MAP2K5: variants seen among roughly 807,000 people sequenced by gnomAD.
The protein encoded by MAP2K5 is dual specificity mitogen-activated protein kinase kinase 5.
A neutral mutation model predicts 83.1 loss-of-function variants in MAP2K5; 49 were observed. The ratio of observed to expected loss-of-function variants is 0.59; its 90% CI spans 0.47 to 0.75. MAP2K5 has a LOEUF of 0.75. Among genes scored for constraint, MAP2K5 ranks in the 30% least tolerant of loss-of-function variants. The pLI is 0.00. For missense variants in MAP2K5, 457 were observed against 557.5 expected, an observed-to-expected ratio of 0.82 and a Z score of 1.82; for synonymous variants, 202 against 191.8, an observed-to-expected ratio of 1.05 and a Z score of -0.44.
intron 9 of MAP2K5, among the ~76,000 whole-genome samples, chr15:67,634,570 A>T (rs1230920034): frequency 3.9e-5 from 6 of 151,978 alleles, no homozygotes; most frequent in Non-Finnish European, 8.8e-5. Context: ...TGTGGCCTAC[A>T]GTTCTGTTAT....
rs1035857787 is a variant in MAP2K5 at position 67,562,621 on chromosome 15, A to G, written c.185-662A>G. ...AGCTTTCTATGGCTGGAGAGTATGC[A>G]AAACAAGTGAAACTGTTCGGAAAAA... On this transcript the variant is annotated intron_variant, in intron 2 of 21. Transcript: ENST00000178640. The surrounding 1 kb of genome is among the most constrained non-coding windows in gnomAD (Gnocchi z 4.1). Among the ~76,000 whole-genome samples, 10 of 152,210 alleles carry G rather than the reference A, an allele frequency of 6.6e-5. No homozygotes were observed. Among genetic ancestry groups the G allele is most frequent in the Non-Finnish European group, 1.3e-4 (9 of 68,038 alleles).
At chr15:67,631,420 G>T (rs577049766) in intron 9 of MAP2K5, among the ~76,000 whole-genome samples, 1 of 152,124 alleles carries the variant, frequency 6.6e-6, no homozygotes, top group African/African-American at 2.4e-5. Context: ...TGTACTTTCG[G>T]TCTTTTCTTT....
chr15:67,754,488 C>T (rs977849094), intron 19 of MAP2K5, among the ~76,000 whole-genome samples: 4 of 151,986 alleles, frequency 2.6e-5, no homozygotes, highest in African/African-American at 9.7e-5. Context: ...TGCCAGGTGC[C>T]GAGATAAATC....
intron 13 of MAP2K5, among the ~76,000 whole-genome samples, chr15:67,689,179 CA>C (rs1567362091): frequency 1.3e-5 from 2 of 152,052 alleles, no homozygotes; most frequent in African/African-American, 4.8e-5. Context: ...CACTTGAGCC[CA>C]AAAGTTTGAG....
At chr15:67,643,918 G>A (rs546200520) in intron 9 of MAP2K5, among the ~76,000 whole-genome samples, 4 of 152,196 alleles carry the variant, frequency 2.6e-5, no homozygotes, top group South Asian at 2.1e-4. Flanking sequence ...TCTTCAGTAT[G>A]ATTGTATATA....
chr15:67,596,495 TAA>T (rs2085530298), intron 7 of MAP2K5, among the ~76,000 whole-genome samples: 1 of 152,190 alleles, frequency 6.6e-6, no homozygotes, highest in Non-Finnish European at 1.5e-5. Context: ...CTGTAAAATT[TAA>T]AAAGTTTAAA....
In MAP2K5 at chr15:67,717,680, G is replaced by T. The variant is rs1031694169; in HGVS notation, c.1045-10236G>T. Among the ~76,000 whole-genome samples the T allele has an allele frequency of 5.9e-5, 9 of 152,210 alleles. No homozygotes were observed. Among genetic ancestry groups the T allele is most frequent in the Admixed American group, 5.9e-4 (9 of 15,274 alleles). ...AGCATCAAAAGCCTCTCATGAGGTT[G>T]CAGTTGGGTAGTGGTTAAGGATGGA... On this transcript the variant is annotated intron_variant, in intron 16 of 21. Transcript: ENST00000178640. The surrounding 1 kb of genome is among the most constrained non-coding windows in gnomAD (Gnocchi z 4.1).
At chr15:67,798,430 A>G (rs1481060567) in intron 21 of MAP2K5, among the ~76,000 whole-genome samples, 3 of 152,114 alleles carry the variant, frequency 2.0e-5, no homozygotes, top group Non-Finnish European at 4.4e-5. Context: ...CGGCACCCCA[A>G]GTGTCTAGCC....
Position 67,719,803 on chromosome 15 carries a change from AAC to A in MAP2K5, c.1045-8111_1045-8110del, listed in dbSNP as rs1396232600. ...TTTTGAGCTATGCAAACATTTGAAG[AAC>A]ATTCATTTTTCAATTAGAAAAGTAA... On this transcript the variant is annotated intron_variant, in intron 16 of 21. Coordinates refer to ENST00000178640, the MANE Select transcript of MAP2K5 (RefSeq NM_145160.3). This position sits in a 1 kb window ranked among gnomAD's most constrained non-coding sequence, Gnocchi z 4.6. 6.6e-6 allele frequency among the ~76,000 whole-genome samples: 1 copy of A among 152,184 alleles called. No homozygotes were observed. The highest frequency in any genetic ancestry group is 1.5e-5 in the Non-Finnish European group (1 of 68,036).
chr15:67,619,207 G>C (rs915526263), intron 8 of MAP2K5, among the ~76,000 whole-genome samples: 50 of 152,142 alleles, frequency 3.3e-4, no homozygotes, highest in Admixed American at 9.2e-4. Flanking sequence ...CCTGAAAAGA[G>C]AGGCATTTCC....
chr15:67,645,553 A>G (rs62016195), intron 9 of MAP2K5, among the ~76,000 whole-genome samples: 3,375 of 152,238 alleles, frequency 0.022, 58 homozygotes, highest in African/African-American at 0.039. Context: ...ACAAACCACA[A>G]GATAGTTCTT....
At position 67,779,534 on chromosome 15, in the gene MAP2K5, C is replaced by A. The variant is rs186567423; in HGVS notation, c.1242+6782C>A. 6.6e-6 allele frequency among the ~76,000 whole-genome samples: 1 copy of A among 152,214 alleles called. No individual in the cohort carries two copies. The highest frequency in any genetic ancestry group is 6.5e-5 in the Admixed American group (1 of 15,280). ...GTATGTATATGTCTTTATATGCATGCGCATAGCAAGAGAGATATAGATAAA... is the reference window on the plus strand; with the variant it reads ...GTATGTATATGTCTTTATATGCATGAGCATAGCAAGAGAGATATAGATAAA... On this transcript the variant is annotated intron_variant, in intron 21 of 21. Transcript: ENST00000178640. The surrounding 1 kb of genome is among the most constrained non-coding windows in gnomAD (Gnocchi z 4.6).
chr15:67,776,150 G>A (rs772683430), intron 21 of MAP2K5, among the ~76,000 whole-genome samples: 5 of 152,176 alleles, frequency 3.3e-5, no homozygotes, highest in African/African-American at 7.2e-5. Flanking sequence ...TAAACTAAGC[G>A]TGCAGGCAGC....
At chr15:67,558,842 C>T (rs1357258967) in intron 2 of MAP2K5, among the ~76,000 whole-genome samples, 1 of 152,222 alleles carries the variant, frequency 6.6e-6, no homozygotes, top group African/African-American at 2.4e-5. Context: ...GTGTATGTTC[C>T]ATGAAGGCAG....
rs1268628375 is a variant in MAP2K5, at chr15:67,677,965, T to C, written c.847+13320T>C. ...TGGCTAATTATGCTGTTTAATTTTA[T>C]TTAAGGCCTTTGCAAGAATATTTGG... On this transcript the variant is annotated intron_variant, in intron 13 of 21. Coordinates refer to ENST00000178640, the MANE Select transcript of MAP2K5 (RefSeq NM_145160.3). This position sits in a 1 kb window ranked among gnomAD's most constrained non-coding sequence, Gnocchi z 4.2. 6.6e-6 allele frequency among the ~76,000 whole-genome samples: 1 copy of C among 152,238 alleles called. No individual in the cohort carries two copies.
At chr15:67,648,624 G>A (rs2086884346) in intron 11 of MAP2K5, among the ~76,000 whole-genome samples, 1 of 151,324 alleles carries the variant, frequency 6.6e-6, no homozygotes, top group African/African-American at 2.4e-5. Flanking sequence ...CTAGGCTGGA[G>A]TGCAGTGGGG....
At position 67,802,629 on chromosome 15, in the gene MAP2K5, C is replaced by T. The variant is rs2090726968; in HGVS notation, c.1243-4017C>T. Among the ~76,000 whole-genome samples, 1 of 152,238 alleles carries T rather than the reference C, an allele frequency of 6.6e-6. No homozygotes were observed. Among genetic ancestry groups the T allele is most frequent in the Non-Finnish European group, 1.5e-5 (1 of 68,040 alleles). The stretch of plus-strand genomic sequence containing the variant: ...TTTCAGCAGCTCCAGCCTGGCACTG[C>T]CAGGTTCCACAGACATGGCTGTGCA... On this transcript the variant is annotated intron_variant, in intron 21 of 21. Coordinates refer to ENST00000178640, the MANE Select transcript of MAP2K5 (RefSeq NM_145160.3). The surrounding 1 kb of genome is among the most constrained non-coding windows in gnomAD (Gnocchi z 5.0).
intron 19 of MAP2K5, among the ~76,000 whole-genome samples, chr15:67,761,775 A>T (rs1489897337): frequency 6.6e-6 from 1 of 152,174 alleles, no homozygotes; most frequent in Non-Finnish European, 1.5e-5. Flanking sequence ...GCACCTATTA[A>T]GGGTTTTTTT....
intron 16 of MAP2K5, among the ~76,000 whole-genome samples, chr15:67,726,951 C>T (rs945722768): frequency 2.6e-5 from 4 of 152,170 alleles, no homozygotes; most frequent in African/African-American, 7.2e-5. Flanking sequence ...GTAATCCCAG[C>T]ACTTTGGGAG....
Sources: gnomAD v4.1 joint callset for allele counts (sites outside exome capture counted in the v4.1 genomes callset) on GRCh38, gnomAD v4.1.1 for gene constraint, Gnocchi (gnomAD v3.1) non-coding constraint, MANE v1.5 for transcripts, NCBI Gene and HGNC (gene_info 2026-07-23, HGNC 2026-07-21) for gene names.